The following RTL4 variants were observed in gnomAD, a reference collection of about 807,000 sequenced individuals.
RTL4 encodes retrotransposon Gag like 4.
RTL4 carries 4 observed loss-of-function variants against 5.3 expected under a neutral mutation model. That is an observed-to-expected ratio of 0.75 (90% CI 0.37 to 1.72). The LOEUF is 1.72. Among genes scored for constraint, RTL4 ranks in the 40% most tolerant of loss-of-function variants. RTL4 has a pLI of 0.04. For missense variants in RTL4, 260 were observed against 227.1 expected (o/e 1.14, Z -0.93); for synonymous variants, 98 against 87.3 (o/e 1.12, Z -0.68).
the RTL4 span, among the ~76,000 whole-genome samples, chrX:112,392,183 C>T: frequency 1.8e-5 from 2 of 112,141 alleles, no homozygotes; most frequent in Non-Finnish European, 3.8e-5. Flanking sequence ...TTTTCAGTTG[C>T]CCCTGGGGGC....
At chrX:112,269,216 G>A in the RTL4 span, among the ~76,000 whole-genome samples, 1 of 112,184 alleles carries the variant, frequency 8.9e-6, no homozygotes, top group Non-Finnish European at 1.9e-5. Flanking sequence ...TCCTTTTCAT[G>A]TCCCTTATCT....
At chrX:112,234,060 C>T in the RTL4 span, among the ~76,000 whole-genome samples, 14 of 109,803 alleles carry the variant, frequency 1.3e-4, no homozygotes, top group African/African-American at 2.3e-4. Context: ...GGCATGGTGG[C>T]GGGTGCCTGT....
the RTL4 span, among the ~76,000 whole-genome samples, chrX:112,212,076 G>A: frequency 7.1e-5 from 8 of 112,242 alleles, no homozygotes; most frequent in African/African-American, 2.6e-4. Flanking sequence ...ATTAAGTTTT[G>A]TAAAAATTAA....
the RTL4 span, among the ~76,000 whole-genome samples, chrX:112,120,979 C>T: frequency 9.0e-6 from 1 of 110,645 alleles, no homozygotes; most frequent in Non-Finnish European, 1.9e-5. Context: ...TAAACTGGGG[C>T]CTACCAGAGG....
the RTL4 span, among the ~76,000 whole-genome samples, chrX:112,196,679 G>A: frequency 1.0e-3 from 113 of 111,527 alleles, no homozygotes; most frequent in South Asian, 1.9e-3. Flanking sequence ...AATTTTATGG[G>A]TGTGTAGTGA....
At chrX:112,327,160 G>C in the RTL4 span, among the ~76,000 whole-genome samples, 1 of 112,478 alleles carries the variant, frequency 8.9e-6, no homozygotes, top group Non-Finnish European at 1.9e-5. Flanking sequence ...GACGGAGAAT[G>C]ACTTTGACGA....
the RTL4 span, among the ~76,000 whole-genome samples, chrX:112,083,895 G>T: frequency 9.0e-6 from 1 of 110,733 alleles, no homozygotes; most frequent in South Asian, 4.0e-4. Flanking sequence ...AGCATTTCAT[G>T]GCCTGGCCGC....
chrX:112,227,531 T>G, the RTL4 span, among the ~76,000 whole-genome samples: 1 of 111,473 alleles, frequency 9.0e-6, no homozygotes, highest in Admixed American at 9.5e-5. Context: ...GCTGTAGGGT[T>G]GGTGTGCCAG....
chrX:112,440,526 G>A, the RTL4 span, among the ~76,000 whole-genome samples: 8 of 112,217 alleles, frequency 7.1e-5, no homozygotes, highest in African/African-American at 2.6e-4. Flanking sequence ...GATGTAAGCA[G>A]TATTCTAAAA....
At chrX:112,438,480 G>A in the RTL4 span, among the ~76,000 whole-genome samples, 9 of 112,609 alleles carry the variant, frequency 8.0e-5, no homozygotes, top group African/African-American at 2.9e-4. Flanking sequence ...CTAGCCCATG[G>A]GTGGCAGCAG....
the RTL4 span, among the ~76,000 whole-genome samples, chrX:112,398,396 C>CTT: frequency 6.6e-3 from 474 of 72,078 alleles, 15 homozygotes; most frequent in African/African-American, 0.018. Flanking sequence ...TTCTTTCTTT[C>CTT]TTTTTTTTTT....
chrX:112,276,002 G>A, the RTL4 span, among the ~76,000 whole-genome samples: 5 of 111,768 alleles, frequency 4.5e-5, no homozygotes, highest in African/African-American at 1.6e-4. Context: ...GGCAGCCTCA[G>A]TAGTTGGTTT....
At chrX:112,268,084 GA>G in the RTL4 span, among the ~76,000 whole-genome samples, 3 of 111,483 alleles carry the variant, frequency 2.7e-5, no homozygotes, top group South Asian at 1.1e-3. Context: ...TCACTCAGAT[GA>G]AAAGCCAAAG....
chrX:112,139,935 C>A, the RTL4 span, among the ~76,000 whole-genome samples: 3 of 111,796 alleles, frequency 2.7e-5, no homozygotes, highest in African/African-American at 6.5e-5. Flanking sequence ...CTTGCCACCA[C>A]CATGTAAGAA....
At chrX:112,448,196 G>A in the RTL4 span, among the ~76,000 whole-genome samples, 1 of 111,928 alleles carries the variant, frequency 8.9e-6, no homozygotes, top group Non-Finnish European at 1.9e-5. Context: ...TCAAATTTAT[G>A]GGCTGATTAT....
chrX:112,281,985 G>A, the RTL4 span, among the ~76,000 whole-genome samples: 4 of 111,864 alleles, frequency 3.6e-5, no homozygotes, highest in East Asian at 1.1e-3. Context: ...AGAATTTTTA[G>A]TTTGATATAA....
chrX:112,310,388 A>ATGTAATATAATATACG, the RTL4 span, among the ~76,000 whole-genome samples: 1 of 52,314 alleles, frequency 1.9e-5, no homozygotes, highest in Non-Finnish European at 3.3e-5. Flanking sequence ...ATATATATAT[A>ATGTAATATAATATACG]TATATATATA....
the RTL4 span, among the ~76,000 whole-genome samples, chrX:112,240,457 C>T: frequency 9.0e-6 from 1 of 111,542 alleles, no homozygotes; most frequent in Non-Finnish European, 1.9e-5. Flanking sequence ...TAAATGTGCT[C>T]AGAACTATTA....
chrX:112,084,851 T>C, the RTL4 span, among the ~76,000 whole-genome samples: 2 of 112,004 alleles, frequency 1.8e-5, no homozygotes, highest in Admixed American at 9.4e-5. Context: ...TGTGTGCTTC[T>C]GAAATTTGGA....
Sources: gnomAD v4.1 joint callset for allele counts (sites outside exome capture counted in the v4.1 genomes callset) on GRCh38, gnomAD v4.1.1 for gene constraint, MANE v1.5 for transcripts, NCBI Gene and HGNC (gene_info 2026-07-23, HGNC 2026-07-21) for gene names.